The following PKHD1 variants were observed in gnomAD, a reference collection of about 807,000 sequenced individuals.
PKHD1 encodes PKHD1 ciliary IPT domain containing fibrocystin/polyductin.
Under a neutral mutation model 412.0 loss-of-function variants are expected in PKHD1, and 291 were observed. The observed-to-expected ratio is 0.71, with a 90% CI of 0.64 to 0.78. PKHD1 has a LOEUF of 0.78. Ranked by LOEUF, PKHD1 falls within the 30% of genes least tolerant of loss-of-function variation. PKHD1 has a pLI of 0.00. For missense variants in PKHD1, 4,825 were observed against 4,950.7 expected (o/e 0.97, Z 0.76); for synonymous variants, 1,777 against 1,821.5 (o/e 0.98, Z 0.62).
At chr6:52,072,803 T>G (rs1810830233) in intron 7 of PKHD1, among the ~76,000 whole-genome samples, 1 of 152,158 alleles carries the variant, frequency 6.6e-6, no homozygotes, top group Admixed American at 6.6e-5. Flanking sequence ...GTAAGATCAT[T>G]TTCCTTCTAC....
intron 53 of PKHD1, among the ~76,000 whole-genome samples, chr6:51,787,635 A>T (rs1365715804): frequency 6.6e-6 from 1 of 152,178 alleles, no homozygotes; most frequent in Non-Finnish European, 1.5e-5. Context: ...TTAGGCCTGG[A>T]ACACATGGAT....
At chr6:51,939,160 C>A (rs1477661560) in intron 36 of PKHD1, among the ~76,000 whole-genome samples, 2 of 150,910 alleles carry the variant, frequency 1.3e-5, no homozygotes, top group Admixed American at 1.3e-4. Context: ...GGGGCAAGGA[C>A]CCCCCTGACC....
In PKHD1 at chr6:52,035,711, C is replaced by T; in HGVS notation, c.3108G>A (p.Trp1036Ter). The T allele has an allele frequency of 6.2e-7, 1 of 1,613,822 alleles. No individual in the cohort carries two copies. Among genetic ancestry groups the T allele is most frequent in the Non-Finnish European group, 8.5e-7 (1 of 1,179,848 alleles). Residue 1036 changes from tryptophan to a stop codon, truncating the protein, a stop_gained, in exon 28 of 67, where the codon TGG (tryptophan) becomes TGA (stop). Coordinates refer to ENST00000371117, the MANE Select transcript of PKHD1 (RefSeq NM_138694.4). LOFTEE classifies it high-confidence loss of function. ...CCAAACTAGAGCCTCGGATGGTGGC[C>T]CAGAGCCCTCCTGTAACAAAAACAG... ...PSRAADIGGL[W>*]ATIRGSSLEG...
At chr6:52,017,687 C>A in intron 33 of PKHD1, 58 bp from the exon 34 acceptor site, 2 of 1,327,358 alleles carry the variant, frequency 1.5e-6, no homozygotes, top group South Asian at 2.4e-5. Context: ...GGCCTCTAGT[C>A]GGTTTCACAA....
chr6:51,955,583 A>G (rs1215367909), intron 36 of PKHD1, among the ~76,000 whole-genome samples: 3 of 152,118 alleles, frequency 2.0e-5, no homozygotes, highest in Non-Finnish European at 4.4e-5. Context: ...AGTTTTCTAC[A>G]TATCAGGATG....
chr6:51,973,621 C>T (rs1289184449), intron 35 of PKHD1, among the ~76,000 whole-genome samples: 1 of 152,162 alleles, frequency 6.6e-6, no homozygotes, highest in Non-Finnish European at 1.5e-5. Flanking sequence ...GGATTCAAGG[C>T]TGAATTTACT....
intron 29 of PKHD1, among the ~76,000 whole-genome samples, chr6:52,031,856 A>G (rs1269682714): frequency 6.6e-6 from 1 of 152,206 alleles, no homozygotes; most frequent in Non-Finnish European, 1.5e-5. Context: ...AAAAGAATGC[A>G]TTGCATTGTA....
chr6:51,835,841 C>A (rs1208890917), intron 51 of PKHD1, among the ~76,000 whole-genome samples: 1 of 152,180 alleles, frequency 6.6e-6, no homozygotes, highest in East Asian at 1.9e-4. Flanking sequence ...TAAAAGAAAT[C>A]TCTGCGTTTG....
rs186988097 is a variant in PKHD1 at position 51,940,601 on chromosome 6, C to T, written c.5909-6279G>A. On this transcript the variant is annotated intron_variant, in intron 36 of 66. Transcript: ENST00000371117. ...ACTTCCAGAGCCCCTGGAACTCTGG[C>T]CCAAGGCTCTCTGACTGACTCCTTC... Among the ~76,000 whole-genome samples the T allele has an allele frequency of 4.6e-5, 7 of 151,838 alleles. No homozygotes were observed. The East Asian group carries it at 1.4e-3, about 29-fold the overall frequency.
chr6:51,648,104 C>T lies in PKHD1; in HGVS notation c.11325G>A (p.Glu3775=), dbSNP rs1770362898. ...VFLDEQNRRV[E]SLGPPSEPWT... ...ATGGCTCTGAAGGAGGTCCCAGGGA[C>T]TCTACTCTTCGATTCTAGAAATGGG... is the stretch of plus-strand genomic sequence containing the variant. The change falls in exon 63 of 67, where the codon GAG becomes GAA. Residue 3775 remains glutamate, a synonymous_variant. Transcript: ENST00000371117. 6.3e-7 allele frequency: 1 copy of T among 1,598,004 alleles called. No homozygotes were observed. The highest frequency in any genetic ancestry group is 8.6e-7 in the Non-Finnish European group (1 of 1,165,374).
At chr6:51,789,932 A>C (rs1793477510) in intron 53 of PKHD1, among the ~76,000 whole-genome samples, 1 of 152,182 alleles carries the variant, frequency 6.6e-6, no homozygotes, top group African/African-American at 2.4e-5. Flanking sequence ...AATAGAACAA[A>C]AAGAATTCTA....
chr6:51,675,987 C>T (rs368557524), intron 60 of PKHD1, among the ~76,000 whole-genome samples: 3 of 152,126 alleles, frequency 2.0e-5, no homozygotes, highest in African/African-American at 7.2e-5. Context: ...TCCACCTTTC[C>T]CTAGACAGGA....
intron 35 of PKHD1, among the ~76,000 whole-genome samples, chr6:51,972,501 GA>G (rs2127995501): frequency 6.6e-6 from 1 of 152,352 alleles, no homozygotes; most frequent in East Asian, 1.9e-4. Flanking sequence ...AGGTGGGGAT[GA>G]AATCTCAATA....
At chr6:51,740,976 T>G (rs1784478970) in intron 60 of PKHD1, among the ~76,000 whole-genome samples, 1 of 152,114 alleles carries the variant, frequency 6.6e-6, no homozygotes, top group Admixed American at 6.5e-5. Context: ...CATATATACC[T>G]CCATACAGAC....
At chr6:51,938,926 T>A (rs1251318858) in intron 36 of PKHD1, among the ~76,000 whole-genome samples, 1 of 151,670 alleles carries the variant, frequency 6.6e-6, no homozygotes, top group East Asian at 1.9e-4. Context: ...CTCTCTCTTC[T>A]CTTAATTTCA....
At chr6:51,758,481 C>T (rs137891154) in intron 55 of PKHD1, among the ~76,000 whole-genome samples, 9 of 152,250 alleles carry the variant, frequency 5.9e-5, no homozygotes, top group East Asian at 5.8e-4. Flanking sequence ...ACTAGCTTAA[C>T]GACTGGCTCA....
chr6:51,884,625 C>G (rs1388528882), intron 45 of PKHD1, among the ~76,000 whole-genome samples: 1 of 152,130 alleles, frequency 6.6e-6, no homozygotes. Flanking sequence ...TTTGAGTGCA[C>G]AAGAGTTCAA....
chr6:52,023,952 A>G (rs1030038339), intron 32 of PKHD1, among the ~76,000 whole-genome samples: 1 of 152,224 alleles, frequency 6.6e-6, no homozygotes, highest in African/African-American at 2.4e-5. Context: ...TTCTGTTTCT[A>G]TAGTTTTTTT....
chr6:52,025,477 C>G lies in PKHD1; in HGVS notation c.4333G>C (p.Val1445Leu). 6.2e-7 allele frequency: 1 copy of G among 1,611,776 alleles called. No individual in the cohort carries two copies. The highest frequency in any genetic ancestry group is 8.5e-7 in the Non-Finnish European group (1 of 1,178,292). Reference protein sequence around the residue: ...SLGDHTILCQVSLEGDPLPGA... With the variant: ...SLGDHTILCQLSLEGDPLPGA... ...GGCAAGGGGTCACCCTCCAGGCTAA[C>G]CTGGCAGAGAATGGTGTGGTCTCCC... Residue 1445 changes from valine to leucine, a missense_variant, in exon 32 of 67, where the codon GTT (valine) becomes CTT (leucine). Val to Leu is a conservative substitution (Grantham distance 32, BLOSUM62 1). Transcript: ENST00000371117.
Sources: gnomAD v4.1 joint callset for allele counts (sites outside exome capture counted in the v4.1 genomes callset) on GRCh38, gnomAD v4.1.1 for gene constraint, MANE v1.5 for transcripts, NCBI Gene and HGNC (gene_info 2026-07-23, HGNC 2026-07-21) for gene names.